WDFY4: variants seen among roughly 807,000 people sequenced by gnomAD.
WDFY4 encodes WD repeat- and FYVE domain-containing protein 4.
A neutral mutation model predicts 351.9 loss-of-function variants in WDFY4; 169 were observed. That is an observed-to-expected ratio of 0.48 (90% CI 0.42 to 0.55). WDFY4 has a LOEUF of 0.55. WDFY4 is among the 20% of genes least tolerant of loss of function. The pLI, the probability that WDFY4 is intolerant of heterozygous loss-of-function variation, is 0.00. For synonymous variants in WDFY4, 1,622 were observed against 1,574.6 expected (o/e 1.03, Z -0.71); for missense variants, 3,803 against 3,935.6 (o/e 0.97, Z 0.90).
chr10:48,747,561 C>T (rs923212149), intron 12 of WDFY4, among the ~76,000 whole-genome samples: 9 of 152,082 alleles, frequency 5.9e-5, no homozygotes, highest in African/African-American at 2.2e-4. Flanking sequence ...TACTCTGTTC[C>T]ACACAGTTTC....
chr10:48,784,555 T>TTTTTTTTTTTTTTTTC, intron 19 of WDFY4, among the ~76,000 whole-genome samples: 1 of 133,648 alleles, frequency 7.5e-6, no homozygotes, highest in Non-Finnish European at 1.6e-5. Context: ...TTTTTTTTTT[T>TTTTTTTTTTTTTTTTC]TTTTTGAGAT....
At chr10:48,778,914 G>A (rs2066126670) in intron 18 of WDFY4, 82 bp downstream of exon 18, 2 of 1,440,276 alleles carry the variant, frequency 1.4e-6, no homozygotes, top group East Asian at 2.5e-5. Context: ...CACAGGTGTG[G>A]TTAGAAACCT....
chr10:48,948,802 G>A (rs544023296), intron 51 of WDFY4, among the ~76,000 whole-genome samples: 4 of 152,350 alleles, frequency 2.6e-5, no homozygotes, highest in African/African-American at 9.6e-5. Context: ...TCTGCAATCA[G>A]CTAGATCTAA....
intron 47 of WDFY4, among the ~76,000 whole-genome samples, chr10:48,919,294 G>C (rs1838838544): frequency 6.6e-6 from 1 of 152,044 alleles, no homozygotes; most frequent in Non-Finnish European, 1.5e-5. Context: ...CTAAAAAAAA[G>C]AGGAACTTAG....
intron 32 of WDFY4, among the ~76,000 whole-genome samples, chr10:48,819,594 C>T (rs2067743242): frequency 6.6e-6 from 1 of 152,202 alleles, no homozygotes; most frequent in Non-Finnish European, 1.5e-5. Flanking sequence ...CTGTGTCCTC[C>T]TGGACGTATC....
At chr10:48,734,091 C>T in intron 10 of WDFY4, 56 bp downstream of exon 10, 1 of 1,464,420 alleles carries the variant, frequency 6.8e-7, no homozygotes, top group Non-Finnish European at 9.4e-7. Flanking sequence ...GAACTCTTTC[C>T]TGGTTATTTA....
At chr10:48,801,501 A>G (rs779061839) in intron 24 of WDFY4, 1 of 456,824 alleles carries the variant, frequency 2.2e-6, no homozygotes, top group South Asian at 1.5e-5. Flanking sequence ...TTGGAGCCCT[A>G]CAGACATGTA....
chr10:48,850,087 T>C (rs955158571), intron 39 of WDFY4, among the ~76,000 whole-genome samples: 4 of 152,330 alleles, frequency 2.6e-5, no homozygotes, highest in South Asian at 4.1e-4. Flanking sequence ...GGATACACGA[T>C]GTCCATATAA....
At chr10:48,978,189 G>C in intron 59 of WDFY4, 120 bp from the exon 60 acceptor site, 1 of 913,352 alleles carries the variant, frequency 1.1e-6, no homozygotes, top group East Asian at 2.7e-5. Context: ...AAGTGAAAGG[G>C]GGGCCATGTG....
chr10:48,841,397 AT>A (rs546084851), intron 39 of WDFY4, among the ~76,000 whole-genome samples: 1,701 of 141,510 alleles, frequency 0.012, 32 homozygotes, highest in African/African-American at 0.04. Flanking sequence ...ATCACAACTG[AT>A]TTTTTTTTTT....
At chr10:48,899,273 A>G (rs1373528318) in intron 45 of WDFY4, among the ~76,000 whole-genome samples, 1 of 152,318 alleles carries the variant, frequency 6.6e-6, no homozygotes, top group Admixed American at 6.5e-5. Flanking sequence ...TGTTTTGCAC[A>G]TTATTTATAT....
chr10:48,833,285 G>A (rs933639075), intron 39 of WDFY4, among the ~76,000 whole-genome samples: 6 of 151,976 alleles, frequency 3.9e-5, no homozygotes, highest in Admixed American at 2.6e-4. Context: ...CCTCAGTTGG[G>A]ATCGTTGGAA....
chr10:48,769,535 T>C (rs1257724252), intron 13 of WDFY4, among the ~76,000 whole-genome samples: 2 of 152,176 alleles, frequency 1.3e-5, no homozygotes, highest in Non-Finnish European at 2.9e-5. Flanking sequence ...TTAATCCAAG[T>C]TTGAGTAGCT....
Position 48,830,706 on chromosome 10 carries a change from A to G in WDFY4, c.6347A>G (p.His2116Arg). 1 of 1,551,258 alleles carries G rather than the reference A, an allele frequency of 6.4e-7. No homozygotes were observed. The highest frequency in any genetic ancestry group is 8.7e-7 in the Non-Finnish European group (1 of 1,146,870). Residue 2116 changes from histidine to arginine, a missense_variant, in exon 38 of 62, where the codon CAC (histidine) becomes CGC (arginine). Around this residue, in one of 3 missense-constraint regions of WDFY4, gnomAD observed 3,054 missense variants for 3,148.6 expected, o/e 0.97. Transcript: ENST00000325239. ...CATGTGCTCTCTCTGCTAGTCCAAC[A>G]CAACATCCAGAAGACAGTGCAGACT... Reference protein sequence around the residue: ...EDLPSLSDVQHNIQKTVQTLW... With the variant: ...EDLPSLSDVQRNIQKTVQTLW...
At chr10:48,907,086 C>T (rs7086333) in intron 47 of WDFY4, among the ~76,000 whole-genome samples, 43,499 of 152,028 alleles carry the variant, frequency 0.29, 7,559 homozygotes, top group East Asian at 0.71. Flanking sequence ...TTCTCTGTAT[C>T]AGTTCTCTGC....
intron 47 of WDFY4, among the ~76,000 whole-genome samples, chr10:48,940,220 G>A (rs559255943): frequency 1.3e-5 from 2 of 152,230 alleles, no homozygotes; most frequent in African/African-American, 2.4e-5. Context: ...TGGCAGAGTC[G>A]CAGACACAGC....
chr10:48,768,817 A>G (rs2065766181), intron 13 of WDFY4, among the ~76,000 whole-genome samples: 1 of 152,076 alleles, frequency 6.6e-6, no homozygotes, highest in Admixed American at 6.6e-5. Context: ...TGGGAAAGTC[A>G]GAAAAAGTTT....
intron 43 of WDFY4, among the ~76,000 whole-genome samples, chr10:48,881,855 T>C (rs959276224): frequency 6.6e-6 from 1 of 152,192 alleles, no homozygotes; most frequent in Non-Finnish European, 1.5e-5. Flanking sequence ...TGGGTGAACC[T>C]GTCCTGGTGC....
chr10:48,781,031 C>T (rs2066203398), intron 19 of WDFY4, among the ~76,000 whole-genome samples: 1 of 152,108 alleles, frequency 6.6e-6, no homozygotes, highest in Non-Finnish European at 1.5e-5. Context: ...CTGACCTTGC[C>T]CAGTTGTGAC....
Sources: allele counts gnomAD v4.1 joint callset (sites outside exome capture counted in the v4.1 genomes callset), GRCh38; gene constraint gnomAD v4.1.1; regional missense constraint gnomAD v4.1.1; transcripts MANE v1.5; gene names NCBI Gene and HGNC (gene_info 2026-07-23, HGNC 2026-07-21).